Variants in LPO observed in about 807,000 individuals in gnomAD.
The protein encoded by LPO is salivary peroxidase.
A neutral mutation model predicts 68.4 loss-of-function variants in LPO; 70 were observed. That is an observed-to-expected ratio of 1.02 (90% confidence interval 0.84 to 1.25). The LOEUF (loss-of-function observed/expected upper bound fraction) is 1.25. LPO is among the 50% of genes most tolerant of loss of function. The probability of loss-of-function intolerance (pLI) is 0.00; values close to 1 mark genes in which losing one functional copy is unlikely to be tolerated. For synonymous variants in LPO, 360 were observed against 357.6 expected (o/e 1.01, Z -0.08); for missense variants, 873 against 908.4 (o/e 0.96, Z 0.50).
At chr17:58,266,677 G>A (rs752002077) in intron 11 of LPO, among the ~76,000 whole-genome samples, 2 of 151,552 alleles carry the variant, frequency 1.3e-5, no homozygotes, top group African/African-American at 2.4e-5. Flanking sequence ...GGCTGGTCTC[G>A]AACTCCTGGG....
At chr17:58,249,436 C>T in intron 5 of LPO, 130 bp from the exon 6 acceptor site, 2 of 1,383,366 alleles carry the variant, frequency 1.4e-6, no homozygotes, top group Non-Finnish European at 1.9e-6. Flanking sequence ...TTCAGAGACC[C>T]CAAATTTGAG....
At chr17:58,261,862 T>C (rs932748512) in intron 9 of LPO, among the ~76,000 whole-genome samples, 1 of 152,250 alleles carries the variant, frequency 6.6e-6, no homozygotes, top group African/African-American at 2.4e-5. Flanking sequence ...GATAGAGATA[T>C]GGATTTACAA....
chr17:58,264,381 G>A (rs1970222436), intron 9 of LPO, among the ~76,000 whole-genome samples: 1 of 152,092 alleles, frequency 6.6e-6, no homozygotes, highest in African/African-American at 2.4e-5. Context: ...CCCTGACATT[G>A]TTACATTAAA....
rs1427925425 is a variant in LPO, at chr17:58,268,514, G to A, written c.*520G>A. ...CCAAATAAGTAACTAGACGTTTACAGGCCATACATGTCTTACCACTGAGAT... is the reference window on the plus strand; with the variant it reads ...CCAAATAAGTAACTAGACGTTTACAAGCCATACATGTCTTACCACTGAGAT... On this transcript the variant is annotated 3_prime_UTR_variant, in exon 13 of 13. Coordinates refer to ENST00000262290, the MANE Select transcript of LPO (RefSeq NM_006151.3). 1 of 156,906 alleles carries A rather than the reference G, an allele frequency of 6.4e-6. No homozygotes were observed. The highest frequency in any genetic ancestry group is 2.4e-5 in the African/African-American group (1 of 41,468). The allele number at this position is 156,906 out of a possible 1,614,324, so 9.7% of individuals were successfully genotyped here.
rs1422726542 is a variant in LPO, at chr17:58,252,333, G to A, written c.932G>A (p.Ser311Asn). ...TTCCTGGATGCCAGCTTTGTGTACA[G>A]CTCCGAGCCAAGCCTGGCCAGCCGC... ...TSFLDASFVY[S>N]SEPSLASRLR... is the part of the protein sequence containing the mutation. The change falls in exon 8 of 13, where the codon AGC (serine) becomes AAC (asparagine). Residue 311 changes from serine to asparagine, a missense_variant. By Grantham distance (46) the Ser-to-Asn change is conservative. Transcript: ENST00000262290. 5 of 1,614,060 alleles carry A rather than the reference G, an allele frequency of 3.1e-6. No individual in the cohort carries two copies. Among genetic ancestry groups the A allele is most frequent in the African/African-American group, 2.7e-5 (2 of 74,920 alleles).
intron 1 of LPO, among the ~76,000 whole-genome samples, chr17:58,241,027 A>G (rs1969745266): frequency 6.6e-6 from 1 of 151,966 alleles, no homozygotes; most frequent in Admixed American, 6.6e-5. Context: ...ACATGTGAAT[A>G]TACCTAACAT....
At position 58,264,850 on chromosome 17, in the gene LPO, C is replaced by T; in HGVS notation, c.1395C>T (p.Arg465=). ...CCAATGTCTTCACCTTCGCCTTCCG[C>T]TTTGGCCACTTGGAGGTCCCCTCTA... ...RISNVFTFAF[R]FGHLEVPSSM... The change falls in exon 10 of 13, where the codon CGC becomes CGT. Residue 465 remains arginine (R), a synonymous_variant. Transcript: ENST00000262290. The T allele has an allele frequency of 1.2e-6, 2 of 1,614,252 alleles. No individual in the cohort carries two copies. The highest frequency in any genetic ancestry group is 2.2e-5 in the East Asian group (1 of 44,892).
chr17:58,243,676 A>G, intron 2 of LPO: 1 of 421,194 alleles, frequency 2.4e-6, no homozygotes, highest in Non-Finnish European at 4.4e-6. Flanking sequence ...CCATCTCACC[A>G]GGAACCAGAG....
chr17:58,261,192 T>C (rs1798299696), intron 9 of LPO, among the ~76,000 whole-genome samples: 1 of 152,214 alleles, frequency 6.6e-6, no homozygotes, highest in Non-Finnish European at 1.5e-5. Flanking sequence ...TGTCTAGTAA[T>C]TCTCCCACTT....
rs8178360 is a variant in LPO at position 58,256,236 on chromosome 17, A to G, written c.1266+1265A>G. On this transcript the variant is annotated intron_variant, in intron 9 of 12. Coordinates refer to ENST00000262290, the MANE Select transcript of LPO (RefSeq NM_006151.3). ...GTATGAATGAACTACAATTTGTTTA[A>G]CCATTCAACTTTTGAAGGGCATTTG... Among the ~76,000 whole-genome samples the G allele has an allele frequency of 4.7e-3, 721 of 152,206 alleles. 4 individuals are homozygous for G. Among genetic ancestry groups the G allele is most frequent in the African/African-American group, 0.017 (689 of 41,510 alleles).
intron 3 of LPO, 106 bp downstream of exon 3, chr17:58,244,187 GC>G: frequency 1.2e-6 from 1 of 855,424 alleles, no homozygotes; most frequent in Non-Finnish European, 1.9e-6. Flanking sequence ...GCCCGGATGA[GC>G]CAATGAGGTG....
intron 1 of LPO, among the ~76,000 whole-genome samples, chr17:58,241,592 C>CCTT (rs1969761214): frequency 1.3e-5 from 2 of 152,076 alleles, no homozygotes; most frequent in Admixed American, 1.3e-4. Flanking sequence ...TCCTTGGGGC[C>CCTT]ATACAACTAT....
chr17:58,257,756 C>G lies in LPO; in HGVS notation c.1266+2785C>G, dbSNP rs543957476. Among the ~76,000 whole-genome samples, 4 of 152,278 alleles carry G rather than the reference C, an allele frequency of 2.6e-5. No individual in the cohort carries two copies. The South Asian group carries it at 6.2e-4, about 24-fold the overall frequency. Reference sequence around the variant, plus strand: ...TGGTTGTACTAATTTACATTCCTGCCAACAGTGCCAAATGTGTTCTCCACA... The same window carrying G: ...TGGTTGTACTAATTTACATTCCTGCGAACAGTGCCAAATGTGTTCTCCACA... On this transcript the variant is annotated intron_variant, in intron 9 of 12. Coordinates refer to ENST00000262290, the MANE Select transcript of LPO (RefSeq NM_006151.3).
At chr17:58,259,612 C>T (rs1970138723) in intron 9 of LPO, among the ~76,000 whole-genome samples, 1 of 152,120 alleles carries the variant, frequency 6.6e-6, no homozygotes, top group African/African-American at 2.4e-5. Flanking sequence ...TATCAAAAAA[C>T]CTTATGGAAA....
chr17:58,242,134 G>A (rs764898355), intron 1 of LPO, among the ~76,000 whole-genome samples: 2 of 152,162 alleles, frequency 1.3e-5, no homozygotes, highest in Non-Finnish European at 2.9e-5. Context: ...CTGCCACCCC[G>A]GGCTGGAGCC....
At chr17:58,255,493 A>G (rs967802983) in intron 9 of LPO, among the ~76,000 whole-genome samples, 9 of 152,282 alleles carry the variant, frequency 5.9e-5, no homozygotes, top group Middle Eastern at 6.8e-3. Flanking sequence ...ATATATTGCA[A>G]TAGGAGGGGG....
chr17:58,249,183 G>C lies in LPO; in HGVS notation c.443+6G>C. On this transcript the variant is annotated splice_donor_region_variant and intron_variant, in intron 5 of 12. Coordinates refer to ENST00000262290, the MANE Select transcript of LPO (RefSeq NM_006151.3). ...ACGGGAGACTGCAATAACAGGTGGC[G>C]GGGCTTGGGGTGTGGGGGCCGACCA... 2 of 1,612,262 alleles carry C rather than the reference G, an allele frequency of 1.2e-6. No individual in the cohort carries two copies. Among genetic ancestry groups the C allele is most frequent in the Non-Finnish European group, 1.7e-6 (2 of 1,178,514 alleles).
intron 10 of LPO, among the ~76,000 whole-genome samples, chr17:58,265,771 G>C (rs1014245439): frequency 2.6e-5 from 4 of 151,436 alleles, no homozygotes; most frequent in African/African-American, 9.7e-5. Context: ...TTTTTTCAGA[G>C]GCGGGGTTTT....
At chr17:58,263,957 C>A (rs568983217) in intron 9 of LPO, among the ~76,000 whole-genome samples, 1 of 152,178 alleles carries the variant, frequency 6.6e-6, no homozygotes, top group African/African-American at 2.4e-5. Context: ...TGGCTGCCTG[C>A]TGTTGCTGAG....
Sources: gnomAD v4.1 joint callset for allele counts (sites outside exome capture counted in the v4.1 genomes callset) on GRCh38, gnomAD v4.1.1 for gene constraint, MANE v1.5 for transcripts, NCBI Gene and HGNC (gene_info 2026-07-23, HGNC 2026-07-21) for gene names.